The following ITIH4 variants were observed in gnomAD, a reference collection of about 807,000 sequenced individuals.
ITIH4 encodes inter-alpha-trypsin inhibitor heavy chain 4, also known as inter-alpha-trypsin inhibitor heavy chain H4.
Under a neutral mutation model 111.8 loss-of-function variants are expected in ITIH4, and 79 were observed. The observed-to-expected ratio is 0.71, with a 90% CI of 0.59 to 0.85. The LOEUF (loss-of-function observed/expected upper bound fraction) is 0.85, where lower values mean the gene tolerates loss of function less well. Ranked by LOEUF, ITIH4 falls within the 40% of genes least tolerant of loss-of-function variation. ITIH4 has a pLI of 0.00. For missense variants in ITIH4, 1,065 were observed against 1,195.8 expected (o/e 0.89, Z 1.61); for synonymous variants, 472 against 468.3 (o/e 1.01, Z -0.10).
rs775273542 is a variant in ITIH4 at position 52,827,244 on chromosome 3, C to T, written c.252-47G>A. 7.0e-6 allele frequency: 10 copies of T among 1,425,784 alleles called. No individual in the cohort carries two copies. In the East Asian group the frequency reaches 2.0e-4, roughly 29 times the overall value. The allele number at this position is 1,425,784 out of a possible 1,614,324, so 88.3% of individuals were successfully genotyped here. ...TTGTTGAGAGCCTGGTGGCAGGGGC[C>T]CATTCCACTCCTGCCTCCTCCAGAG... On this transcript the variant is annotated intron_variant, in intron 2 of 23. Transcript: ENST00000266041.
At chr3:52,823,230 T>A in intron 11 of ITIH4, 1 of 256,690 alleles carries the variant, frequency 3.9e-6, no homozygotes. Context: ...CTCAGTCTGC[T>A]CATTTGTGAA....
At chr3:52,823,260 T>C (rs749200293) in intron 11 of ITIH4, 4 of 350,592 alleles carry the variant, frequency 1.1e-5, no homozygotes, top group African/African-American at 6.3e-5. Flanking sequence ...GCCCTCCCTG[T>C]CTGACTGCAA....
Position 52,813,360 on chromosome 3 carries a change from G to C in ITIH4, c.*61C>G. On this transcript the variant is annotated 3_prime_UTR_variant, in exon 24 of 24. Transcript: ENST00000266041. ...CCATGGTGGTCCAGGCCCCAGAAGC[G>C]GCCCTGCAGTTGCAGGGGGAAGCCA... 1 of 1,400,010 alleles carries C rather than the reference G, an allele frequency of 7.1e-7. No homozygotes were observed. The highest frequency in any genetic ancestry group is 1.0e-6 in the Non-Finnish European group (1 of 984,736). 86.7% of individuals were successfully genotyped at this position (1,400,010 alleles called of 1,614,324 possible). A position where few individuals can be genotyped will look rare whatever the true frequency, so the allele number is the denominator to read the frequency against.
At chr3:52,827,904 T>C (rs1700510854) in intron 2 of ITIH4, among the ~76,000 whole-genome samples, 1 of 151,890 alleles carries the variant, frequency 6.6e-6, no homozygotes, top group Non-Finnish European at 1.5e-5. Context: ...CCTTGTGGGG[T>C]GTGTAGGGAT....
Position 52,819,514 on chromosome 3 carries a change from T to C in ITIH4, c.1956A>G (p.Gly652=). The change falls in exon 17 of 24, where the codon GGA becomes GGG. Residue 652 remains glycine (G), a synonymous_variant. Transcript: ENST00000266041. Reference sequence around the variant, plus strand: ...TGAAATTCATCCGGGAGCCAGCAGCTCCAGCTTTGGAGAAATCGACAGATG... The same window carrying C: ...TGAAATTCATCCGGGAGCCAGCAGCCCCAGCTTTGGAGAAATCGACAGATG... ...SPRRGWNRQA[G]AAGSRMNFRP... is the part of the protein sequence containing the mutation. 6.2e-7 allele frequency: 1 copy of C among 1,614,080 alleles called. No homozygotes were observed. The highest frequency in any genetic ancestry group is 1.1e-5 in the South Asian group (1 of 91,076).
Position 52,823,832 on chromosome 3 carries a change from C to T in ITIH4, c.1344G>A (p.Leu448=). ...TGGGGCACACTGGCACCTGGAGCTG[C>T]AGGGCAGAGTCTGAGTCCTCATGGA... ...RRIHEDSDSA[L]QLQDFYQEVA... Residue 448 remains leucine (L), a synonymous_variant, in exon 10 of 24, where the codon CTG becomes CTA. Transcript: ENST00000266041. The T allele has an allele frequency of 6.2e-7, 1 of 1,613,934 alleles. No individual in the cohort carries two copies. The highest frequency in any genetic ancestry group is 1.1e-5 in the South Asian group (1 of 91,078).
chr3:52,815,402 C>G (rs1385270535), intron 21 of ITIH4, among the ~76,000 whole-genome samples: 1 of 151,940 alleles, frequency 6.6e-6, no homozygotes, highest in Non-Finnish European at 1.5e-5. Flanking sequence ...CCACCACACC[C>G]AGCTAATTTT....
Position 52,814,219 on chromosome 3 carries a change from TCCA to T in ITIH4, c.2613_2615del (p.Gly873del). 6.2e-7 allele frequency: 1 copy of T among 1,613,280 alleles called. No individual in the cohort carries two copies. The highest frequency in any genetic ancestry group is 1.1e-5 in the South Asian group (1 of 90,874). ...TAATGGGCTCAGTACCAAGGGTCCCTCCAACGTGGCTGGAGAAGCGGTCAGTGT... is the reference window on the plus strand; with the variant it reads ...TAATGGGCTCAGTACCAAGGGTCCCTACGTGGCTGGAGAAGCGGTCAGTGT... On this transcript the variant is annotated inframe_deletion, in exon 22 of 24. Coordinates refer to ENST00000266041, the MANE Select transcript of ITIH4 (RefSeq NM_002218.5).
chr3:52,818,947 G>C, intron 17 of ITIH4: 1 of 283,106 alleles, frequency 3.5e-6, no homozygotes, highest in Non-Finnish European at 6.7e-6. Context: ...GGGGCCTTCA[G>C]AGAGAGGAAG....
Position 52,824,700 on chromosome 3 carries a change from G to A in ITIH4, c.877-135C>T. On this transcript the variant is annotated intron_variant, in intron 7 of 23. Transcript: ENST00000266041. The surrounding 1 kb of genome is among the most constrained non-coding windows in gnomAD (Gnocchi z 4.3). ...GCTCTAGGAACAGGGGCTGCCCTAG[G>A]CTCTGGCCAACCTTGGTTCCTGAGA... The A allele has an allele frequency of 7.9e-7, 1 of 1,271,190 alleles. No individual in the cohort carries two copies. The highest frequency in any genetic ancestry group is 1.1e-6 in the Non-Finnish European group (1 of 911,140). The allele number at this position is 1,271,190 out of a possible 1,614,324, so 78.7% of individuals were successfully genotyped here.
intron 21 of ITIH4, among the ~76,000 whole-genome samples, chr3:52,814,951 T>A (rs1700253988): frequency 6.6e-6 from 1 of 152,240 alleles, no homozygotes; most frequent in Non-Finnish European, 1.5e-5. Flanking sequence ...CTCTGATGCA[T>A]CCACTCTGTC....
chr3:52,828,555 A>G (rs1385984459), intron 2 of ITIH4, among the ~76,000 whole-genome samples: 1 of 152,144 alleles, frequency 6.6e-6, no homozygotes, highest in Non-Finnish European at 1.5e-5. Context: ...TTTAGTAAAC[A>G]TTGGAAACTG....
chr3:52,820,459 G>A, intron 13 of ITIH4, 142 bp from the exon 14 acceptor site: 1 of 1,169,480 alleles, frequency 8.6e-7, no homozygotes, highest in Non-Finnish European at 1.2e-6. Context: ...AATGAATTTG[G>A]GGAGACAGGA....
intron 21 of ITIH4, among the ~76,000 whole-genome samples, chr3:52,815,256 T>C (rs1347008186): frequency 1.3e-5 from 2 of 151,574 alleles, no homozygotes; most frequent in Non-Finnish European, 2.9e-5. Flanking sequence ...CTTTTTTTTT[T>C]TTTTTGAGAC....
chr3:52,823,532 C>T, intron 11 of ITIH4, 24 bp downstream of exon 11: 1 of 1,570,390 alleles, frequency 6.4e-7, no homozygotes, highest in Non-Finnish European at 8.7e-7. Flanking sequence ...CATTCCCCTC[C>T]AGGGTGGCTT....
In ITIH4 at chr3:52,819,405, G is replaced by A. The variant is rs546117123; in HGVS notation, c.2065C>T (p.Arg689Cys). ...GAAGGCAGCTTACAGATGGCCAGACGGCGGAAGGGGTGGTAAGCAGCATGG... is the reference window on the plus strand; with the variant it reads ...GAAGGCAGCTTACAGATGGCCAGACAGCGGAAGGGGTGGTAAGCAGCATGG... ...PDHAAYHPFR[R>C]LAILPASAPP... The change falls in exon 17 of 24, where the codon CGT (arginine) becomes TGT (cysteine). Residue 689 changes from arginine to cysteine, a missense_variant. Arg to Cys is a radical substitution (Grantham distance 180). Coordinates refer to ENST00000266041, the MANE Select transcript of ITIH4 (RefSeq NM_002218.5). 1.2e-5 allele frequency: 19 copies of A among 1,614,040 alleles called. No individual in the cohort carries two copies. Among genetic ancestry groups the A allele is most frequent in the Admixed American group, 1.0e-4 (6 of 60,014 alleles).
In ITIH4 at chr3:52,825,893, G is replaced by C; in HGVS notation, c.752C>G (p.Ser251Cys). The change falls in exon 6 of 24, where the codon TCC (serine) becomes TGC (cysteine). Residue 251 changes from serine to cysteine, a missense_variant. Ser to Cys is a moderately radical substitution (Grantham distance 112, BLOSUM62 -1). Coordinates refer to ENST00000266041, the MANE Select transcript of ITIH4 (RefSeq NM_002218.5). Reference protein sequence around the residue: ...YDVDRAISGGSIQIENGYFVH... With the variant: ...YDVDRAISGGCIQIENGYFVH... ...TGCCTGAAGTCCACCCACCTGAATGGAGCCCCCGGAGATGGCCCGGTCCAC... is the reference window on the plus strand; with the variant it reads ...TGCCTGAAGTCCACCCACCTGAATGCAGCCCCCGGAGATGGCCCGGTCCAC... The C allele has an allele frequency of 6.2e-7, 1 of 1,613,642 alleles. No homozygotes were observed. The highest frequency in any genetic ancestry group is 8.5e-7 in the Non-Finnish European group (1 of 1,179,766).
intron 21 of ITIH4, 137 bp from the exon 22 acceptor site, chr3:52,814,500 A>T (rs1700245282): frequency 1.2e-5 from 8 of 686,024 alleles, no homozygotes; most frequent in Non-Finnish European, 2.0e-5. Flanking sequence ...AAGGCCCTTA[A>T]ATCTTCTGAT....
rs1187284051 is a variant in ITIH4 at position 52,818,549 on chromosome 3, C to T, written c.2078-13G>A. On this transcript the variant is annotated splice_polypyrimidine_tract_variant and intron_variant, in intron 17 of 23. Transcript: ENST00000266041. ...GCTGAAGCAGGCACTAGGGCAGGAACATCCGGAAACAGAAAGGGAGCAGGA... is the reference window on the plus strand; with the variant it reads ...GCTGAAGCAGGCACTAGGGCAGGAATATCCGGAAACAGAAAGGGAGCAGGA... The T allele has an allele frequency of 3.1e-6, 5 of 1,591,046 alleles. No homozygotes were observed. The highest frequency in any genetic ancestry group is 4.3e-6 in the Non-Finnish European group (5 of 1,168,508).
Sources: allele counts gnomAD v4.1 joint callset (sites outside exome capture counted in the v4.1 genomes callset), GRCh38; gene constraint gnomAD v4.1.1; non-coding constraint Gnocchi (gnomAD v3.1); transcripts MANE v1.5; gene names NCBI Gene and HGNC (gene_info 2026-07-23, HGNC 2026-07-21).